The following CHRM5 variants were observed in gnomAD, a reference collection of about 807,000 sequenced individuals.
The protein encoded by CHRM5 is cholinergic receptor muscarinic 5, also known as muscarinic acetylcholine receptor M5.
Under a neutral mutation model 39.0 loss-of-function variants are expected in CHRM5, and 18 were observed. The ratio of observed to expected loss-of-function variants is 0.46; its 90% CI spans 0.32 to 0.68. The LOEUF is 0.68. Among genes scored for constraint, CHRM5 ranks in the 30% least tolerant of loss-of-function variants. The pLI, the probability that CHRM5 is intolerant of heterozygous loss-of-function variation, is 0.04. For missense variants in CHRM5, 515 were observed against 651.1 expected, an observed-to-expected ratio of 0.79 and a Z score of 2.28; for synonymous variants, 241 against 246.3, an observed-to-expected ratio of 0.98 and a Z score of 0.20.
chr15:33,977,850 T>C (rs116571446), intron 1 of CHRM5, among the ~76,000 whole-genome samples: 3,385 of 152,046 alleles, frequency 0.022, 137 homozygotes, highest in African/African-American at 0.077. Flanking sequence ...GGCAGGAGGA[T>C]TGCTTGAGCC....
intron 1 of CHRM5, among the ~76,000 whole-genome samples, chr15:33,989,607 C>T (rs73387908): frequency 0.015 from 2,245 of 152,176 alleles, 69 homozygotes; most frequent in African/African-American, 0.053. Flanking sequence ...AACACTACAG[C>T]CGTCCCTTTT....
At chr15:33,983,880 C>T (rs541647559) in intron 1 of CHRM5, among the ~76,000 whole-genome samples, 45 of 151,490 alleles carry the variant, frequency 3.0e-4, no homozygotes, top group Admixed American at 2.0e-3. Flanking sequence ...AAGAAAGGTA[C>T]ATCATCTTAG....
intron 1 of CHRM5, among the ~76,000 whole-genome samples, chr15:34,028,420 C>T (rs1006664423): frequency 6.6e-6 from 1 of 152,030 alleles, no homozygotes. Flanking sequence ...AAAAATTAGC[C>T]AAGCATGGTG....
chr15:33,997,622 A>G (rs1403870312), intron 1 of CHRM5, among the ~76,000 whole-genome samples: 1 of 152,064 alleles, frequency 6.6e-6, no homozygotes, highest in Non-Finnish European at 1.5e-5. Context: ...GAAGGTCAAT[A>G]ATCCTTCTGC....
intron 1 of CHRM5, chr15:33,991,539 CAA>C (rs1597322491): frequency 1.3e-5 from 2 of 150,896 alleles, no homozygotes; most frequent in East Asian, 3.9e-4. Flanking sequence ...TGAGGATGCT[CAA>C]ATGAAATGTC....
At chr15:33,981,092 G>A (rs1968273) in intron 1 of CHRM5, among the ~76,000 whole-genome samples, 147,105 of 152,178 alleles carry the variant, frequency 0.97, 71,239 homozygotes, top group Non-Finnish European at 1. Flanking sequence ...AGACTCCCCA[G>A]TTTTGGACAG....
At chr15:33,985,428 T>A (rs996143266) in intron 1 of CHRM5, among the ~76,000 whole-genome samples, 2 of 80,254 alleles carry the variant, frequency 2.5e-5, no homozygotes, top group African/African-American at 5.3e-5. Flanking sequence ...CTCAGCTCAG[T>A]GTTCCTTTTT....
chr15:34,044,804 A>G (rs988500469), intron 1 of CHRM5, among the ~76,000 whole-genome samples: 12 of 152,226 alleles, frequency 7.9e-5, no homozygotes, highest in African/African-American at 2.9e-4. Context: ...TAATCCCAGC[A>G]CTTTGGGAGG....
At chr15:34,003,194 C>G (rs750396163) in intron 1 of CHRM5, 1 of 1,613,396 alleles carries the variant, frequency 6.2e-7, no homozygotes, top group South Asian at 1.1e-5. Context: ...GTCTCTGCAT[C>G]GCTGTCATCT....
chr15:34,032,017 G>A (rs55725402), intron 1 of CHRM5, among the ~76,000 whole-genome samples: 7,855 of 84,932 alleles, frequency 0.092, 239 homozygotes, highest in African/African-American at 0.1. Flanking sequence ...ACATACGCGC[G>A]CACACGCACA....
At chr15:34,041,785 T>A (rs1899485145) in intron 1 of CHRM5, among the ~76,000 whole-genome samples, 1 of 152,174 alleles carries the variant, frequency 6.6e-6, no homozygotes, top group South Asian at 2.1e-4. Context: ...ATTTTACAGA[T>A]AAGAAAACTG....
intron 1 of CHRM5, among the ~76,000 whole-genome samples, chr15:34,042,061 A>G (rs1014929623): frequency 1.3e-5 from 2 of 152,224 alleles, no homozygotes; most frequent in Non-Finnish European, 2.9e-5. Flanking sequence ...AAGTTCTTTC[A>G]ACAAGGATAC....
At position 34,010,697 on chromosome 15, in the gene CHRM5, C is replaced by T. The variant is rs962803459; in HGVS notation, c.-407-35843C>T. The stretch of plus-strand genomic sequence containing the variant: ...GAACACATTTAAGGAAACCCTCCAA[C>T]AAAAAAGTCACCAAAAACTAATCAC... On this transcript the variant is annotated intron_variant, in intron 1 of 2. Coordinates refer to ENST00000383263, the MANE Select transcript of CHRM5 (RefSeq NM_012125.4). 5.5e-4 allele frequency among the ~76,000 whole-genome samples: 84 copies of T among 152,204 alleles called. 2 individuals carry two copies. Among genetic ancestry groups the T allele is most frequent in the Middle Eastern group, 3.4e-3 (1 of 294 alleles).
At chr15:34,015,289 T>C (rs1171076013) in intron 1 of CHRM5, among the ~76,000 whole-genome samples, 3 of 152,000 alleles carry the variant, frequency 2.0e-5, no homozygotes, top group African/African-American at 4.8e-5. Context: ...CGAGACCATC[T>C]TGGCTAACAC....
intron 2 of CHRM5, 57 bp from the exon 3 acceptor site, chr15:34,062,586 G>A (rs1900377183): frequency 1.1e-5 from 7 of 666,564 alleles, no homozygotes; most frequent in African/African-American, 1.8e-5. Flanking sequence ...TATAAACAAT[G>A]GATGGACAAG....
At chr15:33,982,014 C>T (rs1015992239) in intron 1 of CHRM5, among the ~76,000 whole-genome samples, 6 of 149,954 alleles carry the variant, frequency 4.0e-5, no homozygotes, top group Non-Finnish European at 7.4e-5. Context: ...CCATGCCCTG[C>T]TAATTTTTGT....
At chr15:34,035,315 AC>A in intron 1 of CHRM5, among the ~76,000 whole-genome samples, 1 of 152,304 alleles carries the variant, frequency 6.6e-6, no homozygotes, top group African/African-American at 2.4e-5. Flanking sequence ...GTCTGGTAAC[AC>A]CCACAATAAC....
At chr15:34,003,296 C>T in intron 1 of CHRM5, 4 of 1,171,260 alleles carry the variant, frequency 3.4e-6, no homozygotes, top group Non-Finnish European at 4.9e-6. Context: ...AGTACATGGA[C>T]ATAACAATAA....
At chr15:34,014,384 AC>A (rs55685726) in intron 1 of CHRM5, among the ~76,000 whole-genome samples, 81,370 of 107,290 alleles carry the variant, frequency 0.76, 34,018 homozygotes, top group Non-Finnish European at 0.85. Context: ...AAAAAAAAAA[AC>A]AAAAACAAAA....
Sources: allele counts gnomAD v4.1 joint callset (sites outside exome capture counted in the v4.1 genomes callset), GRCh38; gene constraint gnomAD v4.1.1; transcripts MANE v1.5; gene names NCBI Gene and HGNC (gene_info 2026-07-23, HGNC 2026-07-21).